Variants in TOMM70 observed in about 807,000 individuals in gnomAD.
The protein encoded by TOMM70 is translocase of outer mitochondrial membrane 70.
A neutral mutation model predicts 73.6 loss-of-function variants in TOMM70; 13 were observed. That is an observed-to-expected ratio of 0.18 (90% CI 0.11 to 0.28). TOMM70 has a LOEUF of 0.28. TOMM70 is among the 10% of genes least tolerant of loss of function. The pLI, the probability that TOMM70 is intolerant of heterozygous loss-of-function variation, is 1.00. For missense variants in TOMM70, 609 were observed against 747.5 expected, an observed-to-expected ratio of 0.81 and a Z score of 2.16; for synonymous variants, 257 against 271.2, an observed-to-expected ratio of 0.95 and a Z score of 0.51.
intron 4 of TOMM70, among the ~76,000 whole-genome samples, chr3:100,382,300 T>C (rs954652540): frequency 2.0e-5 from 3 of 152,194 alleles, no homozygotes; most frequent in Non-Finnish European, 4.4e-5. Flanking sequence ...AATGGAAACA[T>C]GCGATTTTTC....
intron 1 of TOMM70, among the ~76,000 whole-genome samples, chr3:100,398,520 AATAG>A (rs1248369131): frequency 4.6e-5 from 7 of 152,196 alleles, no homozygotes; most frequent in Non-Finnish European, 8.8e-5. Context: ...TAACAAACGA[AATAG>A]AAAATGACTG....
chr3:100,381,188 T>C (rs1706630053), intron 5 of TOMM70, among the ~76,000 whole-genome samples: 1 of 151,970 alleles, frequency 6.6e-6, no homozygotes, highest in Admixed American at 6.6e-5. Context: ...AGCAGAAAAA[T>C]CCTTGAAAAA....
At chr3:100,366,935 T>A (rs751335383) in intron 11 of TOMM70, among the ~76,000 whole-genome samples, 29 of 152,184 alleles carry the variant, frequency 1.9e-4, no homozygotes, top group Non-Finnish European at 2.9e-4. Flanking sequence ...AAGAAATAAT[T>A]TAGGCTGGGT....
At chr3:100,380,396 G>C (rs1352697477) in intron 5 of TOMM70, among the ~76,000 whole-genome samples, 1 of 151,956 alleles carries the variant, frequency 6.6e-6, no homozygotes, top group Middle Eastern at 3.2e-3. Context: ...CAGATTAGAA[G>C]TAATCCCACT....
chr3:100,400,806 G>A lies in TOMM70; in HGVS notation c.144C>T (p.Pro48=). 4 of 1,533,908 alleles carry A rather than the reference G, an allele frequency of 2.6e-6. No individual in the cohort carries two copies. The South Asian group carries it at 4.8e-5, about 18-fold the overall frequency. Reference sequence around the variant, plus strand: ...ATATGGCACCCGCGCCCAGCAGCAGGGGTGCCCCGACCGCCAGAGCCAGCT... The same window carrying A: ...ATATGGCACCCGCGCCCAGCAGCAGAGGTGCCCCGACCGCCAGAGCCAGCT... ...RWQLALAVGA[P]LLLGAGAIYL... Residue 48 remains proline, a synonymous_variant, in exon 1 of 12, where the codon CCC becomes CCT. Coordinates refer to ENST00000284320, the MANE Select transcript of TOMM70 (RefSeq NM_014820.5).
At chr3:100,391,505 T>A (rs1216832979) in intron 1 of TOMM70, among the ~76,000 whole-genome samples, 3 of 151,752 alleles carry the variant, frequency 2.0e-5, no homozygotes, top group Non-Finnish European at 4.4e-5. Flanking sequence ...TTTAAAAGTT[T>A]AAAAAAAAAA....
chr3:100,368,851 C>T (rs150369321), intron 10 of TOMM70, among the ~76,000 whole-genome samples, 187 bp downstream of exon 10: 22 of 152,264 alleles, frequency 1.4e-4, no homozygotes, highest in African/African-American at 5.1e-4. Context: ...ACTAGGATTA[C>T]GTGTAAGCCA....
intron 4 of TOMM70, 155 bp from the exon 5 acceptor site, chr3:100,381,918 G>A: frequency 1.4e-6 from 1 of 716,452 alleles, no homozygotes. Context: ...AAAGACAGTG[G>A]AAAAGGTGAA....
At chr3:100,370,544 G>T (rs1019405112) in intron 9 of TOMM70, among the ~76,000 whole-genome samples, 1 of 152,220 alleles carries the variant, frequency 6.6e-6, no homozygotes, top group South Asian at 2.1e-4. Context: ...GAAATGGAAG[G>T]CACAGTTCTG....
intron 7 of TOMM70, 37 bp from the exon 8 acceptor site, chr3:100,373,682 A>AG (rs11384494): frequency 0.69 from 1,018,348 of 1,477,598 alleles, 355,329 homozygotes; most frequent in East Asian, 0.92. Context: ...TAATTCAACT[A>AG]GTCCAGTTAA....
chr3:100,394,514 CT>C (rs1243635819), intron 1 of TOMM70, among the ~76,000 whole-genome samples: 1 of 144,924 alleles, frequency 6.9e-6, no homozygotes, highest in Non-Finnish European at 1.6e-5. Flanking sequence ...TACTTTCTTT[CT>C]TTTTTTGAGA....
At chr3:100,378,711 TAACTG>T (rs1376651706) in intron 5 of TOMM70, among the ~76,000 whole-genome samples, 1 of 152,074 alleles carries the variant, frequency 6.6e-6, no homozygotes, top group Non-Finnish European at 1.5e-5. Flanking sequence ...CTAGAATTAA[TAACTG>T]AACTTATTGG....
At chr3:100,382,438 G>A (rs751259818) in intron 4 of TOMM70, among the ~76,000 whole-genome samples, 1 of 152,106 alleles carries the variant, frequency 6.6e-6, no homozygotes, top group Non-Finnish European at 1.5e-5. Flanking sequence ...GATAGAAAGA[G>A]AACTAAAAAG....
chr3:100,369,117 G>C lies in TOMM70; in HGVS notation c.1471C>G (p.Gln491Glu). Reference sequence around the variant, plus strand: ...TACATTTCATCAGCTTTACCAAACTGTTGTTGATCTGTTAATGCCTATGTG... The same window carrying C: ...TACATTTCATCAGCTTTACCAAACTCTTGTTGATCTGTTAATGCCTATGTG... Reference protein sequence around the residue: ...LYAQALTDQQQFGKADEMYDK... With the variant: ...LYAQALTDQQEFGKADEMYDK... Residue 491 changes from glutamine to glutamate, a missense_variant, in exon 10 of 12, where the codon CAG becomes GAG. Physicochemically the swap from Gln to Glu is conservative, Grantham distance 29. Around this residue, in one of 2 missense-constraint regions of TOMM70, gnomAD observed 432 missense variants for 584.1 expected, o/e 0.74. Transcript: ENST00000284320. 1 of 1,613,026 alleles carries C rather than the reference G, an allele frequency of 6.2e-7. No homozygotes were observed. The highest frequency in any genetic ancestry group is 1.3e-5 in the African/African-American group (1 of 74,976).
chr3:100,375,054 A>T lies in TOMM70; in HGVS notation c.1191T>A (p.Asp397Glu). Residue 397 changes from aspartate to glutamate, a missense_variant, in exon 7 of 12, where the codon GAT (aspartate) becomes GAA (glutamate). By Grantham distance (45) the Asp-to-Glu change is conservative (BLOSUM62 2). This residue lies in a region of TOMM70 where 432 missense variants were observed against 584.1 expected (regional missense o/e 0.74). Transcript: ENST00000284320. ...GGTGATAAACATCTGCATTCTGAGGATCGATGTCAGCAGCCATGTTAAAAT... is the reference window on the plus strand; with the variant it reads ...GGTGATAAACATCTGCATTCTGAGGTTCGATGTCAGCAGCCATGTTAAAAT... ...TQDFNMAADI[D>E]PQNADVYHHR... 1 of 1,609,078 alleles carries T rather than the reference A, an allele frequency of 6.2e-7. No homozygotes were observed. Among genetic ancestry groups the T allele is most frequent in the Non-Finnish European group, 8.5e-7 (1 of 1,178,138 alleles).
rs1706691971 is a variant in TOMM70, at chr3:100,386,323, G to C, written c.520C>G (p.Gln174Glu). 6.2e-7 allele frequency: 1 copy of C among 1,603,878 alleles called. No individual in the cohort carries two copies. Among genetic ancestry groups the C allele is most frequent in the African/African-American group, 1.3e-5 (1 of 74,458 alleles). ...EQLQKWKEVA[Q>E]DCTKAVELNP... is the part of the protein sequence containing the mutation. The stretch of plus-strand genomic sequence containing the variant: ...AGTTCAACAGCTTTTGTACAGTCTT[G>C]TGCCACTTCTTTCCATTTTTGCTGT... The change falls in exon 3 of 12, where the codon CAA (glutamine) becomes GAA (glutamate). Residue 174 changes from glutamine (Q) to glutamate (E), a missense_variant. Gln to Glu is a conservative substitution (Grantham distance 29). Coordinates refer to ENST00000284320, the MANE Select transcript of TOMM70 (RefSeq NM_014820.5).
intron 11 of TOMM70, among the ~76,000 whole-genome samples, chr3:100,367,589 A>T (rs1182934055): frequency 6.6e-6 from 1 of 152,230 alleles, no homozygotes; most frequent in Non-Finnish European, 1.5e-5. Context: ...TCTAAAGTTT[A>T]ATACTTGGCC....
rs141227349 is a variant in TOMM70 at position 100,376,369 on chromosome 3, G to GTTTTTT, written c.1093-1223_1093-1218dup. ...CTTGATGGTGTCTTTTCACACAGAAGTTTTTTTTTTTTTTTGAGACAGGAT... is the reference window on the plus strand; with the variant it reads ...CTTGATGGTGTCTTTTCACACAGAAGTTTTTTTTTTTTTTTTTTTTTGAGACAGGAT... On this transcript the variant is annotated intron_variant, in intron 6 of 11. Coordinates refer to ENST00000284320, the MANE Select transcript of TOMM70 (RefSeq NM_014820.5). 1.8e-4 allele frequency among the ~76,000 whole-genome samples: 22 copies of GTTTTTT among 121,774 alleles called. 1 individual carries two copies. The highest frequency in any genetic ancestry group is 3.7e-4 in the African/African-American group (10 of 27,064). The allele number at this position is 121,774 out of a possible 152,430, so 79.9% of individuals were successfully genotyped here. A position where few individuals can be genotyped will look rare whatever the true frequency, so the allele number is the denominator to read the frequency against.
At chr3:100,366,852 A>C (rs1706452186) in intron 11 of TOMM70, among the ~76,000 whole-genome samples, 1 of 152,256 alleles carries the variant, frequency 6.6e-6, no homozygotes. Context: ...CTTCGCTCAA[A>C]AAAGATTAAG....
Sources: allele counts gnomAD v4.1 joint callset (sites outside exome capture counted in the v4.1 genomes callset), GRCh38; gene constraint gnomAD v4.1.1; regional missense constraint gnomAD v4.1.1; transcripts MANE v1.5; gene names NCBI Gene and HGNC (gene_info 2026-07-23, HGNC 2026-07-21).